ZNF678: variants seen among roughly 807,000 people sequenced by gnomAD.
ZNF678 encodes the protein zinc finger protein 678, also known as hypothetical protein MGC42493.
Under a neutral mutation model 3.0 loss-of-function variants are expected in ZNF678, and 5 were observed. The ratio of observed to expected loss-of-function variants is 1.69; its 90% CI spans 0.88 to 3.56. ZNF678 has a LOEUF of 3.56. ZNF678 is among the 30% of genes most tolerant of loss of function. The probability of loss-of-function intolerance (pLI) is 0.00; values close to 1 mark genes in which losing one functional copy is unlikely to be tolerated. For missense variants in ZNF678, 593 were observed against 605.0 expected (o/e 0.98, Z 0.21); for synonymous variants, 218 against 199.6 (o/e 1.09, Z -0.78).
intron 2 of ZNF678, among the ~76,000 whole-genome samples, chr1:227,648,861 T>C (rs1659022520): frequency 6.6e-6 from 1 of 151,952 alleles, no homozygotes; most frequent in Admixed American, 6.6e-5. Flanking sequence ...GAAAAACACC[T>C]TCCCAATTTA....
At chr1:227,616,300 G>A (rs1288618126) in intron 1 of ZNF678, among the ~76,000 whole-genome samples, 2 of 152,076 alleles carry the variant, frequency 1.3e-5, no homozygotes, top group Non-Finnish European at 2.9e-5. Context: ...CCTTAAAATA[G>A]AAATAAAGGC....
downstream of ZNF678, among the ~76,000 whole-genome samples, chr1:227,667,164 C>T (rs1659516721): frequency 6.6e-6 from 1 of 151,526 alleles, no homozygotes; most frequent in Non-Finnish European, 1.5e-5. Flanking sequence ...CTTCCTCAGC[C>T]CCCCAAGTAG....
At chr1:227,597,788 A>AGG (rs1036968707) in intron 1 of ZNF678, among the ~76,000 whole-genome samples, 1 of 152,254 alleles carries the variant, frequency 6.6e-6, no homozygotes, top group African/African-American at 2.4e-5. Flanking sequence ...AGCTCAGTAA[A>AGG]GGATGACACT....
intron 1 of ZNF678, among the ~76,000 whole-genome samples, chr1:227,605,130 C>G (rs1163300209): frequency 6.6e-6 from 1 of 152,232 alleles, no homozygotes; most frequent in Non-Finnish European, 1.5e-5. Flanking sequence ...GCTGGGATTA[C>G]AGGCGTGAGC....
chr1:227,586,618 A>T (rs1657269379), intron 1 of ZNF678, among the ~76,000 whole-genome samples: 1 of 152,234 alleles, frequency 6.6e-6, no homozygotes, highest in South Asian at 2.1e-4. Context: ...AGAAAAAGGT[A>T]AGGCAGAAGT....
intron 1 of ZNF678, among the ~76,000 whole-genome samples, chr1:227,622,715 C>A (rs762615312): frequency 6.6e-6 from 1 of 152,106 alleles, no homozygotes; most frequent in African/African-American, 2.4e-5. Context: ...CAAGAGAGCC[C>A]CTCCTGCCTC....
At chr1:227,634,016 G>A (rs1469436796) in intron 1 of ZNF678, among the ~76,000 whole-genome samples, 1 of 152,162 alleles carries the variant, frequency 6.6e-6, no homozygotes, top group Non-Finnish European at 1.5e-5. Flanking sequence ...ACTGTGTCTT[G>A]CATTTTTGTA....
chr1:227,566,951 C>T (rs1215194678), intron 1 of ZNF678, among the ~76,000 whole-genome samples: 1 of 152,048 alleles, frequency 6.6e-6, no homozygotes, highest in African/African-American at 2.4e-5. Flanking sequence ...TTTCATTATG[C>T]CTATAGGAAA....
chr1:227,623,476 A>G (rs1571894280), intron 1 of ZNF678, among the ~76,000 whole-genome samples: 1 of 152,252 alleles, frequency 6.6e-6, no homozygotes, highest in African/African-American at 2.4e-5. Context: ...ACTGGCTGGT[A>G]TAGTGAAAAT....
intron 1 of ZNF678, among the ~76,000 whole-genome samples, chr1:227,594,921 T>C (rs1044197402): frequency 2.0e-5 from 3 of 152,232 alleles, no homozygotes; most frequent in Non-Finnish European, 4.4e-5. Context: ...GTTATTTTTT[T>C]TACTGTTTTT....
At chr1:227,622,614 A>T (rs920129993) in intron 1 of ZNF678, among the ~76,000 whole-genome samples, 1 of 152,196 alleles carries the variant, frequency 6.6e-6, no homozygotes, top group East Asian at 1.9e-4. Flanking sequence ...TGGTAGTGAG[A>T]CTTGGGTGGG....
intron 5 of ZNF678, among the ~76,000 whole-genome samples, chr1:227,676,501 T>A (rs1659681719): frequency 6.6e-6 from 1 of 152,188 alleles, no homozygotes; most frequent in East Asian, 1.9e-4. Flanking sequence ...CATTTTTTTT[T>A]ATTTCTTACT....
chr1:227,635,208 C>T (rs1658644866), intron 1 of ZNF678, among the ~76,000 whole-genome samples: 1 of 152,020 alleles, frequency 6.6e-6, no homozygotes. Flanking sequence ...GAAATGTATG[C>T]ACATCTTTTA....
rs975673605 is a variant in ZNF678 at position 227,646,757 on chromosome 1, C to T, written c.-37+87C>T. On this transcript the variant is annotated intron_variant, in intron 2 of 3. Transcript: ENST00000343776. ...CCTGAAATGTTACCTGAGAGTTTGT[C>T]ATTTGCATGAATGAGTTTTTGATCT... is the stretch of plus-strand genomic sequence containing the variant. 1.4e-5 allele frequency: 17 copies of T among 1,201,678 alleles called. No individual in the cohort carries two copies. The Admixed American group carries it at 3.8e-4, about 27-fold the overall frequency. The allele number at this position is 1,201,678 out of a possible 1,614,324, so 74.4% of individuals were successfully genotyped here. A position where few individuals can be genotyped will look rare whatever the true frequency, so the allele number is the denominator to read the frequency against.
chr1:227,624,543 T>C (rs1658359898), intron 1 of ZNF678, among the ~76,000 whole-genome samples: 1 of 152,180 alleles, frequency 6.6e-6, no homozygotes, highest in Non-Finnish European at 1.5e-5. Flanking sequence ...TTCTTAGAGC[T>C]CCCGAGATGG....
At chr1:227,671,767 GC>G (rs1163278539) in intron 5 of ZNF678, among the ~76,000 whole-genome samples, 3 of 152,048 alleles carry the variant, frequency 2.0e-5, no homozygotes, top group Non-Finnish European at 4.4e-5. Flanking sequence ...TTACAAACTG[GC>G]CAAATTCAAT....
At chr1:227,571,621 C>T (rs950192403) in intron 1 of ZNF678, among the ~76,000 whole-genome samples, 2 of 152,156 alleles carry the variant, frequency 1.3e-5, no homozygotes, top group African/African-American at 4.8e-5. Context: ...TGATAAAGCC[C>T]CAGTCAGCTG....
chr1:227,671,158 C>T (rs543030748), intron 5 of ZNF678, among the ~76,000 whole-genome samples: 2 of 149,982 alleles, frequency 1.3e-5, no homozygotes, highest in Admixed American at 1.3e-4. Flanking sequence ...TTCACTGGAG[C>T]CTCAAACTCC....
In ZNF678 at chr1:227,638,065, A is replaced by C. The variant is rs927373545; in HGVS notation, c.-163-8479A>C. Among the ~76,000 whole-genome samples the C allele has an allele frequency of 6.6e-6, 1 of 152,136 alleles. No individual in the cohort carries two copies. Among genetic ancestry groups the C allele is most frequent in the Admixed American group, 6.5e-5 (1 of 15,274 alleles). ...GTGGACGGTTTTAGGGATAAGGTAG[A>C]GAGGTCGTGAGCAAGGGCCTGTCCA... is the stretch of plus-strand genomic sequence containing the variant. On this transcript the variant is annotated intron_variant, in intron 1 of 3. Coordinates refer to ENST00000343776, the MANE Select transcript of ZNF678 (RefSeq NM_001367909.1). This position sits in a 1 kb window ranked among gnomAD's most constrained non-coding sequence, Gnocchi z 4.2.
Sources: allele counts gnomAD v4.1 joint callset (sites outside exome capture counted in the v4.1 genomes callset), GRCh38; gene constraint gnomAD v4.1.1; non-coding constraint Gnocchi (gnomAD v3.1); transcripts MANE v1.5; gene names NCBI Gene and HGNC (gene_info 2026-07-23, HGNC 2026-07-21).